Variants in PIGU observed in about 807,000 individuals in gnomAD.
PIGU encodes GPI-anchor transamidase component PIGU.
PIGU carries 24 observed loss-of-function variants against 49.9 expected under a neutral mutation model. The ratio of observed to expected loss-of-function variants is 0.48; its 90% CI spans 0.35 to 0.68. PIGU has a LOEUF of 0.68. Among genes scored for constraint, PIGU ranks in the 30% least tolerant of loss-of-function variants. PIGU has a pLI of 0.01. For synonymous variants in PIGU, 220 were observed against 205.7 expected (o/e 1.07, Z -0.59); for missense variants, 490 against 532.6 (o/e 0.92, Z 0.79).
At chr20:34,632,017 T>G (rs1370889769) in intron 6 of PIGU, among the ~76,000 whole-genome samples, 1 of 150,804 alleles carries the variant, frequency 6.6e-6, no homozygotes, top group Admixed American at 6.7e-5. Context: ...TTTTGCTTAT[T>G]TTTTGTAAAG....
At chr20:34,602,893 C>A (rs1227141057) in intron 7 of PIGU, among the ~76,000 whole-genome samples, 4 of 152,194 alleles carry the variant, frequency 2.6e-5, no homozygotes, top group Non-Finnish European at 4.4e-5. Flanking sequence ...GTAATAATCA[C>A]TTCCTTGCAT....
chr20:34,597,602 GTAAA>G (rs1483278212), intron 7 of PIGU, among the ~76,000 whole-genome samples: 1 of 152,130 alleles, frequency 6.6e-6, no homozygotes, highest in Non-Finnish European at 1.5e-5. Context: ...GAAAAAGAGT[GTAAA>G]TAAATAATGA....
chr20:34,602,148 G>T (rs1984448199), intron 7 of PIGU, among the ~76,000 whole-genome samples: 1 of 152,138 alleles, frequency 6.6e-6, no homozygotes. Flanking sequence ...CAGGTGTGGT[G>T]GTAGGTGCCT....
At chr20:34,654,816 C>T (rs1487067603) in intron 2 of PIGU, among the ~76,000 whole-genome samples, 2 of 115,062 alleles carry the variant, frequency 1.7e-5, no homozygotes, top group Non-Finnish European at 3.7e-5. Flanking sequence ...ACCAGCCTGG[C>T]CAATATGGTG....
intron 1 of PIGU, among the ~76,000 whole-genome samples, chr20:34,674,178 A>G (rs1987411826): frequency 6.6e-6 from 1 of 152,058 alleles, no homozygotes; most frequent in Non-Finnish European, 1.5e-5. Context: ...CAACATGGTG[A>G]AACTTATCTC....
At chr20:34,581,447 A>AT (rs1484360369) in intron 10 of PIGU, 101 bp downstream of exon 10, 2 of 1,465,788 alleles carry the variant, frequency 1.4e-6, no homozygotes, top group Admixed American at 2.0e-5. Flanking sequence ...TGCTGCCAGC[A>AT]TAACAGGTGC....
intron 9 of PIGU, among the ~76,000 whole-genome samples, 183 bp downstream of exon 9, chr20:34,585,254 C>G (rs1271921678): frequency 6.6e-6 from 1 of 152,258 alleles, no homozygotes; most frequent in African/African-American, 2.4e-5. Context: ...AGCCTGCACC[C>G]ATGCGACTCT....
intron 6 of PIGU, among the ~76,000 whole-genome samples, chr20:34,620,554 G>C (rs966814182): frequency 1.3e-5 from 2 of 152,140 alleles, no homozygotes; most frequent in Non-Finnish European, 2.9e-5. Context: ...GCTCATGCCT[G>C]TAATCCCAGC....
At chr20:34,600,579 GA>G (rs201023300) in intron 7 of PIGU, among the ~76,000 whole-genome samples, 1 of 148,830 alleles carries the variant, frequency 6.7e-6, no homozygotes, top group East Asian at 2.0e-4. Flanking sequence ...AAGGGAGGAA[GA>G]AAAAAAAGAG....
At chr20:34,570,440 A>G (rs1474273889) in intron 11 of PIGU, among the ~76,000 whole-genome samples, 1 of 150,850 alleles carries the variant, frequency 6.6e-6, no homozygotes. Context: ...TTTGAGACAC[A>G]GTCTCGCTCT....
chr20:34,646,417 G>C (rs188894778), intron 2 of PIGU, among the ~76,000 whole-genome samples: 1 of 152,122 alleles, frequency 6.6e-6, no homozygotes, highest in Admixed American at 6.6e-5. Context: ...TTGATACGTT[G>C]GATTTTTTTG....
rs898501708 is a variant in PIGU, at chr20:34,654,782, G to A, written c.195+2398C>T. On this transcript the variant is annotated intron_variant, in intron 2 of 11. Coordinates refer to ENST00000217446, the MANE Select transcript of PIGU (RefSeq NM_080476.5). ...AGCACTTTGGGAGGCCGAGGCAGGC[G>A]GATCACAAGGTCAGGAGTTCGAGAC... Among the ~76,000 whole-genome samples, 6 of 119,028 alleles carry A rather than the reference G, an allele frequency of 5.0e-5. 2 individuals are homozygous for A. The highest frequency in any genetic ancestry group is 4.8e-4 in the South Asian group (2 of 4,140). The allele number at this position is 119,028 out of a possible 152,430, so 78.1% of individuals were successfully genotyped here.
intron 1 of PIGU, among the ~76,000 whole-genome samples, chr20:34,670,350 C>T (rs1391247548): frequency 6.6e-6 from 1 of 151,946 alleles, no homozygotes; most frequent in Non-Finnish European, 1.5e-5. Context: ...CCACCACACC[C>T]AGCTAATTTT....
rs1437447147 is a variant in PIGU at position 34,581,561 on chromosome 20, G to T, written c.1038C>A (p.Asn346Lys). The change falls in exon 10 of 12, where the codon AAC becomes AAA. Residue 346 changes from asparagine (N) to lysine (K), a missense_variant. By Grantham distance (94) the Asn-to-Lys change is moderately conservative (BLOSUM62 0). Coordinates refer to ENST00000217446, the MANE Select transcript of PIGU (RefSeq NM_080476.5). The stretch of plus-strand genomic sequence containing the variant: ...GGGAGTACTCACATCTGTAGAGATG[G>T]TTCCACACGGGGAAGAAGGCCATGT... ...ALYMAFFPVW[N>K]HLYRFLRNIF... The T allele has an allele frequency of 1.2e-6, 2 of 1,613,224 alleles. No homozygotes were observed. Among genetic ancestry groups the T allele is most frequent in the Non-Finnish European group, 8.5e-7 (1 of 1,179,754 alleles).
At chr20:34,620,394 C>T (rs1985160593) in intron 6 of PIGU, among the ~76,000 whole-genome samples, 1 of 152,160 alleles carries the variant, frequency 6.6e-6, no homozygotes, top group South Asian at 2.1e-4. Context: ...CGTTTGATAG[C>T]CAGGTGAAAG....
chr20:34,670,362 G>C lies in PIGU; in HGVS notation c.130+6594C>G, dbSNP rs560348249. Among the ~76,000 whole-genome samples the C allele has an allele frequency of 1.2e-3, 183 of 151,952 alleles. 2 individuals carry two copies. Among genetic ancestry groups the C allele is most frequent in the African/African-American group, 4.1e-3 (171 of 41,452 alleles). On this transcript the variant is annotated intron_variant, in intron 1 of 11. Coordinates refer to ENST00000217446, the MANE Select transcript of PIGU (RefSeq NM_080476.5). ...CTGCCACCACACCCAGCTAATTTTT[G>C]TATTTTTAGTAGAGACAAGGTTTCA...
At chr20:34,609,303 G>C (rs764956459) in intron 7 of PIGU, among the ~76,000 whole-genome samples, 18 of 151,958 alleles carry the variant, frequency 1.2e-4, no homozygotes, top group Non-Finnish European at 2.2e-4. Context: ...GTAAGACCCT[G>C]TTACAAAACA....
Position 34,585,539 on chromosome 20 carries a change from C to A in PIGU, c.824G>T (p.Trp275Leu), listed in dbSNP as rs199949998. Residue 275 changes from tryptophan (W) to leucine (L), a missense_variant, in exon 9 of 12, where the codon TGG (tryptophan) becomes TTG (leucine). By Grantham distance (61) the Trp-to-Leu change is moderately conservative. Transcript: ENST00000217446. ...PDLTPNIGLF[W>L]YFFAEMFEHF... is the part of the protein sequence containing the mutation. ...CTCAAACATCTCTGCAAAGAAGTAC[C>A]AGAAAAGACCAATGTTTGGAGTGAG... The A allele has an allele frequency of 6.2e-7, 1 of 1,613,704 alleles. No individual in the cohort carries two copies. The highest frequency in any genetic ancestry group is 1.3e-5 in the African/African-American group (1 of 75,034).
chr20:34,637,934 C>A lies in PIGU; in HGVS notation c.370G>T (p.Ala124Ser), dbSNP rs1568652487. Residue 124 changes from alanine (A) to serine (S), a missense_variant, in exon 5 of 12, where the codon GCC (alanine) becomes TCC (serine). Physicochemically the swap from Ala to Ser is moderately conservative, Grantham distance 99. Transcript: ENST00000217446. ...LELDQYAPDV[A>S]ELIRTPMEMR... The stretch of plus-strand genomic sequence containing the variant: ...TCCATAGGGGTCCGGATGAGTTCGG[C>A]CACATCTGGGGCATACTGGTCCAGT... 6.2e-7 allele frequency: 1 copy of A among 1,608,630 alleles called. No homozygotes were observed. Among genetic ancestry groups the A allele is most frequent in the Non-Finnish European group, 8.5e-7 (1 of 1,177,930 alleles).
Sources: gnomAD v4.1 joint callset for allele counts (sites outside exome capture counted in the v4.1 genomes callset) on GRCh38, gnomAD v4.1.1 for gene constraint, MANE v1.5 for transcripts, NCBI Gene and HGNC (gene_info 2026-07-23, HGNC 2026-07-21) for gene names.